Variants in HCN1 observed in about 807,000 individuals in gnomAD.
HCN1 encodes the protein potassium/sodium hyperpolarization-activated cyclic nucleotide-gated channel 1.
In HCN1, 13 loss-of-function variants were observed where a neutral mutation model predicts 78.9. That is an observed-to-expected ratio of 0.16 (90% CI 0.11 to 0.26). The LOEUF (loss-of-function observed/expected upper bound fraction) is 0.26, where lower values mean the gene tolerates loss of function less well. Among genes scored for constraint, HCN1 ranks in the 10% least tolerant of loss-of-function variants. The probability of loss-of-function intolerance (pLI) is 1.00; values close to 1 mark genes in which losing one functional copy is unlikely to be tolerated. For missense variants in HCN1, 810 were observed against 1,154.3 expected, an observed-to-expected ratio of 0.70 and a Z score of 4.32; for synonymous variants, 552 against 455.5, an observed-to-expected ratio of 1.21 and a Z score of -2.70.
chr5:45,480,046 C>T (rs1006096175), intron 2 of HCN1: 1 of 152,562 alleles, frequency 6.6e-6, no homozygotes, highest in Non-Finnish European at 1.5e-5. Flanking sequence ...GCTCATACTG[C>T]CATGCTCGAT....
At position 45,262,077 on chromosome 5, in the gene HCN1, G is replaced by A; in HGVS notation, c.2517C>T (p.Val839=). 1.2e-6 allele frequency: 2 copies of A among 1,613,718 alleles called. No homozygotes were observed. The highest frequency in any genetic ancestry group is 1.7e-6 in the Non-Finnish European group (2 of 1,179,896). The change falls in exon 8 of 8, where the codon GTC becomes GTT. Residue 839 remains valine (V), a synonymous_variant. Coordinates refer to ENST00000303230, the MANE Select transcript of HCN1 (RefSeq NM_021072.4). The stretch of plus-strand genomic sequence containing the variant: ...CCGACGACATCTGTCGGAAGAGGGT[G>A]ACGCGCTGCGGGACAGTGCTCCTGC... ...AGGRSTVPQR[V]TLFRQMSSGA... is the part of the protein sequence containing the mutation.
At chr5:45,516,995 C>A (rs1452133027) in intron 2 of HCN1, among the ~76,000 whole-genome samples, 2 of 151,880 alleles carry the variant, frequency 1.3e-5, no homozygotes, top group Non-Finnish European at 2.9e-5. Flanking sequence ...AGACACAGTT[C>A]CTTCTTTATT....
At chr5:45,446,231 T>C (rs1297249704) in intron 3 of HCN1, among the ~76,000 whole-genome samples, 68 of 151,904 alleles carry the variant, frequency 4.5e-4, no homozygotes, top group Non-Finnish European at 7.8e-4. Context: ...TCGAGAACTA[T>C]GTGAAGAATG....
intron 2 of HCN1, among the ~76,000 whole-genome samples, chr5:45,555,323 C>T (rs950866498): frequency 2.0e-5 from 3 of 151,488 alleles, no homozygotes; most frequent in Admixed American, 2.0e-4. Flanking sequence ...TACTTAGGAA[C>T]AAATTTAACC....
intron 1 of HCN1, among the ~76,000 whole-genome samples, chr5:45,647,049 A>C (rs1292997189): frequency 1.3e-5 from 2 of 152,158 alleles, no homozygotes; most frequent in Non-Finnish European, 2.9e-5. Flanking sequence ...ATGACTCCTG[A>C]AATAAAAGTA....
At chr5:45,287,841 C>A (rs35015966) in intron 6 of HCN1, among the ~76,000 whole-genome samples, 1 of 151,998 alleles carries the variant, frequency 6.6e-6, no homozygotes, top group African/African-American at 2.4e-5. Context: ...ATCAATAATG[C>A]CCCAGTACTG....
chr5:45,335,715 C>T (rs756553593), intron 5 of HCN1, among the ~76,000 whole-genome samples: 2 of 152,076 alleles, frequency 1.3e-5, no homozygotes, highest in African/African-American at 2.4e-5. Flanking sequence ...TTAAATTCTA[C>T]TGTGTACTTA....
At chr5:45,523,520 G>T (rs980441563) in intron 2 of HCN1, among the ~76,000 whole-genome samples, 1 of 152,128 alleles carries the variant, frequency 6.6e-6, no homozygotes, top group Non-Finnish European at 1.5e-5. Flanking sequence ...TCCAGCACCT[G>T]TTGTTTCCTG....
Position 45,434,272 on chromosome 5 carries a change from G to T in HCN1, c.1011+27574C>A, listed in dbSNP as rs553108846. On this transcript the variant is annotated intron_variant, in intron 3 of 7. Transcript: ENST00000303230. ...TTTATAAACTTGTACAAGATGATGG[G>T]TTCCTAATTATTGGTAATACCCTTG... Among the ~76,000 whole-genome samples the T allele has an allele frequency of 2.0e-5, 3 of 152,254 alleles. No homozygotes were observed. In the East Asian group the frequency reaches 5.8e-4, roughly 29 times the overall value.
chr5:45,269,446 G>A (rs186968900), intron 6 of HCN1, among the ~76,000 whole-genome samples: 10 of 151,510 alleles, frequency 6.6e-5, no homozygotes, highest in African/African-American at 2.2e-4. Context: ...TCTTTTTCTA[G>A]GTCTTTCTCT....
intron 1 of HCN1, among the ~76,000 whole-genome samples, chr5:45,658,864 A>G (rs1390621252): frequency 3.2e-4 from 48 of 150,024 alleles, no homozygotes; most frequent in Admixed American, 1.7e-3. Flanking sequence ...CAAGGCGGCA[A>G]CGAGGCTGGG....
At chr5:45,590,466 T>C (rs1744336627) in intron 2 of HCN1, among the ~76,000 whole-genome samples, 1 of 152,204 alleles carries the variant, frequency 6.6e-6, no homozygotes, top group African/African-American at 2.4e-5. Flanking sequence ...GTGGCTTTGG[T>C]ATAGTTACAG....
intron 1 of HCN1, among the ~76,000 whole-genome samples, chr5:45,667,509 T>G (rs1746074051): frequency 1.3e-5 from 2 of 151,974 alleles, no homozygotes; most frequent in South Asian, 4.1e-4. Flanking sequence ...GAAAAACATT[T>G]TAAGTACTAG....
chr5:45,443,980 G>T (rs1740734272), intron 3 of HCN1, among the ~76,000 whole-genome samples: 1 of 152,070 alleles, frequency 6.6e-6, no homozygotes, highest in Admixed American at 6.6e-5. Context: ...TGAACCCAAA[G>T]CAGCTACACA....
rs76063591 is a variant in HCN1 at position 45,551,975 on chromosome 5, T to G, written c.850-89968A>C. ...AATATATCCAAGCCACAGGATAAATTGAAAATATATACACAGTGACCATTA... is the reference window on the plus strand; with the variant it reads ...AATATATCCAAGCCACAGGATAAATGGAAAATATATACACAGTGACCATTA... On this transcript the variant is annotated intron_variant, in intron 2 of 7. Coordinates refer to ENST00000303230, the MANE Select transcript of HCN1 (RefSeq NM_021072.4). Among the ~76,000 whole-genome samples the G allele has an allele frequency of 1.9e-4, 29 of 152,086 alleles. No homozygotes were observed. In the East Asian group the frequency reaches 3.3e-3, roughly 17 times the overall value.
chr5:45,492,290 C>CTGTGTA (rs1243095269), intron 2 of HCN1, among the ~76,000 whole-genome samples: 1 of 141,518 alleles, frequency 7.1e-6, no homozygotes, highest in African/African-American at 2.6e-5. Context: ...CACCAAAACT[C>CTGTGTA]TGTGTATGTG....
At chr5:45,350,646 C>A (rs551559696) in intron 5 of HCN1, among the ~76,000 whole-genome samples, 2,456 of 151,122 alleles carry the variant, frequency 0.016, 73 homozygotes, top group African/African-American at 0.057. Flanking sequence ...AGCCCAAAAT[C>A]TCCTTAAGCT....
At chr5:45,373,969 A>G (rs979206085) in intron 4 of HCN1, among the ~76,000 whole-genome samples, 1 of 119,932 alleles carries the variant, frequency 8.3e-6, no homozygotes, top group African/African-American at 3.2e-5. Flanking sequence ...AATATATTAC[A>G]TACAGTAGAT....
intron 2 of HCN1, among the ~76,000 whole-genome samples, chr5:45,560,141 T>C (rs558174896): frequency 1.3e-5 from 2 of 152,312 alleles, no homozygotes; most frequent in African/African-American, 2.4e-5. Context: ...ATTGGTTTTA[T>C]AGAAAACCAA....
Sources: gnomAD v4.1 joint callset for allele counts (sites outside exome capture counted in the v4.1 genomes callset) on GRCh38, gnomAD v4.1.1 for gene constraint, MANE v1.5 for transcripts, NCBI Gene and HGNC (gene_info 2026-07-23, HGNC 2026-07-21) for gene names.